RCOR1: variants seen among roughly 807,000 people sequenced by gnomAD.
RCOR1 encodes REST corepressor 1, also known as REST corepressor.
A neutral mutation model predicts 64.0 loss-of-function variants in RCOR1; 12 were observed. That is an observed-to-expected ratio of 0.19 (90% CI 0.12 to 0.30). The LOEUF (loss-of-function observed/expected upper bound fraction) is 0.30, where lower values mean the gene tolerates loss of function less well. Among genes scored for constraint, RCOR1 ranks in the 10% least tolerant of loss-of-function variants. The pLI, the probability that RCOR1 is intolerant of heterozygous loss-of-function variation, is 1.00. For missense variants in RCOR1, 502 were observed against 621.2 expected (o/e 0.81, Z 2.04); for synonymous variants, 279 against 227.2 (o/e 1.23, Z -2.05).
intron 2 of RCOR1, among the ~76,000 whole-genome samples, chr14:102,641,153 G>A (rs541850946): frequency 1.3e-5 from 2 of 152,174 alleles, no homozygotes; most frequent in African/African-American, 2.4e-5. Flanking sequence ...TACTTGGAAG[G>A]CTGAGGCAAG....
At chr14:102,662,757 T>C (rs138747161) in intron 2 of RCOR1, 3 of 312,444 alleles carry the variant, frequency 9.6e-6, no homozygotes, top group Admixed American at 3.8e-5. Flanking sequence ...TTCCATGATA[T>C]GATTGTACCA....
intron 3 of RCOR1, among the ~76,000 whole-genome samples, chr14:102,694,258 A>T (rs1001163409): frequency 6.6e-6 from 1 of 152,076 alleles, no homozygotes; most frequent in African/African-American, 2.4e-5. Flanking sequence ...AAATAGCTTT[A>T]AAAAATTTAT....
Position 102,618,228 on chromosome 14 carries a change from C to T in RCOR1, c.361+24903C>T, listed in dbSNP as rs1446377346. Among the ~76,000 whole-genome samples the T allele has an allele frequency of 3.9e-5, 6 of 152,144 alleles. No homozygotes were observed. The East Asian group carries it at 5.8e-4, about 15-fold the overall frequency. ...GAGCTCAGGTGGATCCCCCCTGCCT[C>T]GGCCTCCCAAAGTGTTGGGATTACA... On this transcript the variant is annotated intron_variant, in intron 2 of 11. Coordinates refer to ENST00000262241, the MANE Select transcript of RCOR1 (RefSeq NM_015156.4).
chr14:102,668,237 G>A (rs887508281), intron 2 of RCOR1, among the ~76,000 whole-genome samples: 4 of 152,166 alleles, frequency 2.6e-5, no homozygotes, highest in African/African-American at 7.2e-5. Flanking sequence ...CACTATACAC[G>A]TTTAGAACAT....
intron 2 of RCOR1, among the ~76,000 whole-genome samples, chr14:102,610,220 T>C (rs1196560110): frequency 6.6e-6 from 1 of 152,088 alleles, no homozygotes; most frequent in Non-Finnish European, 1.5e-5. Flanking sequence ...TTATATGATA[T>C]ATAAGCTGTA....
chr14:102,624,971 A>G (rs1289103160), intron 2 of RCOR1, among the ~76,000 whole-genome samples: 1 of 151,940 alleles, frequency 6.6e-6, no homozygotes, highest in Non-Finnish European at 1.5e-5. Flanking sequence ...CCCTGCGCTC[A>G]AGTAATCCTT....
At chr14:102,635,105 A>T (rs1346107338) in intron 2 of RCOR1, among the ~76,000 whole-genome samples, 1 of 152,050 alleles carries the variant, frequency 6.6e-6, no homozygotes, top group Non-Finnish European at 1.5e-5. Flanking sequence ...AAGTGCTAGG[A>T]TTACAGGCAT....
chr14:102,699,589 A>C (rs925512104), intron 3 of RCOR1, among the ~76,000 whole-genome samples: 1 of 152,224 alleles, frequency 6.6e-6, no homozygotes, highest in Non-Finnish European at 1.5e-5. Context: ...GACTTTTATT[A>C]GGACTCCTCT....
At chr14:102,655,905 A>T in intron 2 of RCOR1, 1 of 852,374 alleles carries the variant, frequency 1.2e-6, no homozygotes, top group Non-Finnish European at 1.4e-6. Context: ...GTCAGTCGAG[A>T]TCGCGCCACT....
chr14:102,675,857 G>A (rs1056927482), intron 2 of RCOR1, among the ~76,000 whole-genome samples: 8 of 152,034 alleles, frequency 5.3e-5, no homozygotes, highest in Non-Finnish European at 1.0e-4. Context: ...TCAGAGTGTC[G>A]TATGAATGAA....
chr14:102,660,879 G>A (rs535951253), intron 2 of RCOR1, among the ~76,000 whole-genome samples: 1 of 152,126 alleles, frequency 6.6e-6, no homozygotes, highest in African/African-American at 2.4e-5. Flanking sequence ...TTAGTATGGG[G>A]TGACTTGTGT....
intron 11 of RCOR1, among the ~76,000 whole-genome samples, chr14:102,723,123 A>T (rs1482800706): frequency 6.6e-6 from 1 of 152,230 alleles, no homozygotes; most frequent in East Asian, 1.9e-4. Flanking sequence ...CATAAGAAAG[A>T]GTTACTTGCC....
At chr14:102,688,353 C>T (rs954976876) in intron 3 of RCOR1, among the ~76,000 whole-genome samples, 1 of 152,130 alleles carries the variant, frequency 6.6e-6, no homozygotes, top group Non-Finnish European at 1.5e-5. Context: ...CAAGTGTTGT[C>T]CTGGGGCAGA....
Position 102,657,992 on chromosome 14 carries a change from T to A in RCOR1, c.362-23903T>A, listed in dbSNP as rs909933364. 6 of 943,520 alleles carry A rather than the reference T, an allele frequency of 6.4e-6. No individual in the cohort carries two copies. The African/African-American group carries it at 8.9e-5, about 14-fold the overall frequency. 58.4% of individuals were successfully genotyped at this position (943,520 alleles called of 1,614,324 possible). A position where few individuals can be genotyped will look rare whatever the true frequency, so the allele number is the denominator to read the frequency against. On this transcript the variant is annotated intron_variant, in intron 2 of 11. Coordinates refer to ENST00000262241, the MANE Select transcript of RCOR1 (RefSeq NM_015156.4). ...TTAATTAATTTTTATTTATTTATTT[T>A]GAGACAGAGTCTTGCTCTGTTGCCC...
rs1273980739 is a variant in RCOR1, at chr14:102,729,713, A to G, written c.*3207A>G. The G allele has an allele frequency of 5.0e-6, 2 of 397,672 alleles. No homozygotes were observed. Among genetic ancestry groups the G allele is most frequent in the Non-Finnish European group, 8.9e-6 (2 of 225,802 alleles). The allele number at this position is 397,672 out of a possible 1,614,324, so 24.6% of individuals were successfully genotyped here. On this transcript the variant is annotated 3_prime_UTR_variant, in exon 12 of 12. Coordinates refer to ENST00000262241, the MANE Select transcript of RCOR1 (RefSeq NM_015156.4). The stretch of plus-strand genomic sequence containing the variant: ...CTCATTGTCACTTTAAATTTCAACG[A>G]TACCCTATTTTTGTCATTCTAAATA...
chr14:102,710,938 G>A lies in RCOR1; in HGVS notation c.783G>A (p.Glu261=). ...GTAACTTGTTCTTGTCTTCCAGCGA[G>A]GATGAACTGGAAGAGGCAAATGGAA... ...RKQKREREES[E]DELEEANGNN... is the part of the protein sequence containing the mutation. The change falls in exon 7 of 12, where the codon GAG becomes GAA. Residue 261 remains glutamate (E), a synonymous_variant. Coordinates refer to ENST00000262241, the MANE Select transcript of RCOR1 (RefSeq NM_015156.4). 6.3e-7 allele frequency: 1 copy of A among 1,598,144 alleles called. No individual in the cohort carries two copies. Among genetic ancestry groups the A allele is most frequent in the South Asian group, 1.1e-5 (1 of 87,610 alleles).
intron 2 of RCOR1, chr14:102,657,378 ACTT>A (rs1894748496): frequency 1.1e-5 from 11 of 985,260 alleles, no homozygotes; most frequent in Non-Finnish European, 1.3e-5. Flanking sequence ...AGACCGATTT[ACTT>A]CTTCTTGGAG....
intron 3 of RCOR1, among the ~76,000 whole-genome samples, chr14:102,683,188 G>A (rs941697389): frequency 3.9e-5 from 6 of 152,066 alleles, no homozygotes; most frequent in African/African-American, 9.7e-5. Context: ...GATTACAATC[G>A]TTTTAAGTTT....
chr14:102,671,731 G>A (rs1328629509), intron 2 of RCOR1, among the ~76,000 whole-genome samples: 2 of 152,130 alleles, frequency 1.3e-5, no homozygotes, highest in Non-Finnish European at 2.9e-5. Context: ...TTTAAAATAT[G>A]CAAAATTCAG....
Sources: gnomAD v4.1 joint callset for allele counts (sites outside exome capture counted in the v4.1 genomes callset) on GRCh38, gnomAD v4.1.1 for gene constraint, MANE v1.5 for transcripts, NCBI Gene and HGNC (gene_info 2026-07-23, HGNC 2026-07-21) for gene names.